The following CFAP276 variants were observed in gnomAD, a reference collection of about 807,000 sequenced individuals.
The protein encoded by CFAP276 is cilia- and flagella-associated protein 276.
chr1:109,110,782 T>G, the CFAP276 span, among the ~76,000 whole-genome samples: 1 of 152,178 alleles, frequency 6.6e-6, no homozygotes, highest in Admixed American at 6.5e-5. Context: ...GACCTTCACT[T>G]AAATATACCA....
chr1:109,112,812 A>G, the CFAP276 span: 13 of 1,402,530 alleles, frequency 9.3e-6, no homozygotes, highest in Admixed American at 2.7e-5. Flanking sequence ...CCAGCCATCT[A>G]TGACAGAGGA....
the CFAP276 span, chr1:109,112,732 A>G: frequency 6.5e-7 from 1 of 1,543,688 alleles, no homozygotes; most frequent in African/African-American, 1.4e-5. Context: ...CAGCCGCAGC[A>G]CAGCCTCACT....
the CFAP276 span, chr1:109,106,961 G>T: frequency 1.4e-6 from 2 of 1,423,958 alleles, no homozygotes; most frequent in African/African-American, 1.4e-5. Flanking sequence ...TATATGACTG[G>T]ATGGCAGCAT....
At chr1:109,112,810 C>T in the CFAP276 span, 1 of 1,414,606 alleles carries the variant, frequency 7.1e-7, no homozygotes, top group Non-Finnish European at 9.4e-7. Context: ...GCCCAGCCAT[C>T]TATGACAGAG....
chr1:109,113,451 AGAGAGAGAGAGAGAGAGG>A, the CFAP276 span, among the ~76,000 whole-genome samples: 17 of 120,470 alleles, frequency 1.4e-4, 2 homozygotes, highest in African/African-American at 4.7e-4. Context: ...AGAGAGAGAG[AGAGAGAGAGAGAGAGAGG>A]CCCACGTGCG....
chr1:109,107,849 C>A, the CFAP276 span: 1 of 1,280,734 alleles, frequency 7.8e-7, no homozygotes, highest in Non-Finnish European at 1.1e-6. Context: ...CAGCATTCCA[C>A]CCTGGGTGAC....
the CFAP276 span, among the ~76,000 whole-genome samples, chr1:109,111,809 A>C: frequency 6.6e-6 from 1 of 152,142 alleles, no homozygotes; most frequent in Non-Finnish European, 1.5e-5. Context: ...CTGCTCTGTG[A>C]AGCTTTCCTT....
the CFAP276 span, chr1:109,106,099 C>G: frequency 6.2e-7 from 1 of 1,609,700 alleles, no homozygotes; most frequent in Non-Finnish European, 8.5e-7. Context: ...TGAGGGGACA[C>G]TGTGGAGAAA....
chr1:109,109,845 T>C, the CFAP276 span, among the ~76,000 whole-genome samples: 1 of 152,064 alleles, frequency 6.6e-6, no homozygotes, highest in East Asian at 1.9e-4. Flanking sequence ...CTGTGAGTCA[T>C]ACCTTAATTG....
At chr1:109,106,015 G>T in the CFAP276 span, 3 of 1,604,484 alleles carry the variant, frequency 1.9e-6, no homozygotes, top group South Asian at 2.2e-5. Context: ...ATTAGTTCAG[G>T]GATCTGTCAA....
the CFAP276 span, among the ~76,000 whole-genome samples, chr1:109,109,220 G>A: frequency 2.0e-5 from 3 of 151,908 alleles, no homozygotes; most frequent in East Asian, 1.9e-4. Context: ...AGGCTGAGGC[G>A]GGCGGATCAC....
At chr1:109,110,155 A>C in the CFAP276 span, among the ~76,000 whole-genome samples, 3,208 of 152,072 alleles carry the variant, frequency 0.021, 42 homozygotes, top group Non-Finnish European at 0.032. Context: ...TTCTCCCCAG[A>C]CCCACCCTTC....
At chr1:109,113,518 A>T in the CFAP276 span, 1 of 1,126,620 alleles carries the variant, frequency 8.9e-7, no homozygotes, top group Non-Finnish European at 1.3e-6. Context: ...CTCCTCGCTT[A>T]AACTCGGATC....
At chr1:109,106,166 A>G in the CFAP276 span, 2 of 1,327,784 alleles carry the variant, frequency 1.5e-6, no homozygotes, top group Middle Eastern at 1.8e-4. Context: ...GAAACTTTAA[A>G]CATCAATACA....
chr1:109,107,874 AAG>A, the CFAP276 span: 3 of 1,472,964 alleles, frequency 2.0e-6, no homozygotes, highest in Admixed American at 2.1e-5. Flanking sequence ...AAAAAAAAAA[AAG>A]CCCTAAACGG....
the CFAP276 span, chr1:109,112,876 A>G: frequency 8.3e-6 from 7 of 843,390 alleles, no homozygotes; most frequent in East Asian, 2.1e-4. Context: ...GCCCCTGGGG[A>G]GGAAGCTCCG....
the CFAP276 span, among the ~76,000 whole-genome samples, chr1:109,108,506 C>T: frequency 2.0e-5 from 3 of 152,136 alleles, no homozygotes; most frequent in African/African-American, 7.2e-5. Flanking sequence ...GCAAGACTCC[C>T]CAGGCTCTTG....
the CFAP276 span, among the ~76,000 whole-genome samples, chr1:109,106,297 C>T: frequency 6.6e-6 from 1 of 152,148 alleles, no homozygotes; most frequent in Non-Finnish European, 1.5e-5. Context: ...AAATGTTTGT[C>T]TCCTAGACCT....
At chr1:109,113,451 A>AGAGAGAGAGGGAGT in the CFAP276 span, among the ~76,000 whole-genome samples, 287 of 120,112 alleles carry the variant, frequency 2.4e-3, 10 homozygotes, top group East Asian at 0.016. Flanking sequence ...AGAGAGAGAG[A>AGAGAGAGAGGGAGT]GAGAGAGAGA....
Sources: allele counts gnomAD v4.1 joint callset (sites outside exome capture counted in the v4.1 genomes callset), GRCh38; gene constraint gnomAD v4.1.1; transcripts MANE v1.5; gene names NCBI Gene and HGNC (gene_info 2026-07-23, HGNC 2026-07-21).